EARS2: variants seen among roughly 807,000 people sequenced by gnomAD.
EARS2 encodes the protein nondiscriminating glutamyl-tRNA synthetase EARS2, mitochondrial.
In EARS2, 50 loss-of-function variants were observed where a neutral mutation model predicts 54.1. The ratio of observed to expected loss-of-function variants is 0.92; its 90% CI spans 0.74 to 1.17. The LOEUF (loss-of-function observed/expected upper bound fraction) is 1.17. Ranked by LOEUF, EARS2 falls within the 50% of genes most tolerant of loss-of-function variation. The pLI, the probability that EARS2 is intolerant of heterozygous loss-of-function variation, is 0.00. For synonymous variants in EARS2, 298 were observed against 281.0 expected (o/e 1.06, Z -0.61); for missense variants, 673 against 675.0 (o/e 1.00, Z 0.03).
intron 5 of EARS2, 92 bp downstream of exon 5, chr16:23,532,565 A>T: frequency 1.2e-6 from 1 of 804,522 alleles, no homozygotes; most frequent in Non-Finnish European, 2.0e-6. Flanking sequence ...ACACAGAATT[A>T]GGTACCAGAG....
chr16:23,537,872 GC>G (rs929144025), intron 3 of EARS2, among the ~76,000 whole-genome samples: 7 of 149,492 alleles, frequency 4.7e-5, no homozygotes, highest in African/African-American at 1.7e-4. Flanking sequence ...GCTCACTGCA[GC>G]CTAGACATTC....
chr16:23,555,878 C>T (rs1965770240), intron 1 of EARS2, among the ~76,000 whole-genome samples: 1 of 152,152 alleles, frequency 6.6e-6, no homozygotes, highest in Non-Finnish European at 1.5e-5. Flanking sequence ...CAAGGTTTTG[C>T]CATATTGGCC....
At chr16:23,552,543 T>C (rs1240414165) in intron 1 of EARS2, among the ~76,000 whole-genome samples, 2 of 150,968 alleles carry the variant, frequency 1.3e-5, no homozygotes, top group Non-Finnish European at 2.9e-5. Flanking sequence ...CAAGCTGGAG[T>C]GCAGTGGCAC....
intron 8 of EARS2, 134 bp from the exon 9 acceptor site, chr16:23,524,588 T>C (rs1469915004): frequency 1.3e-6 from 1 of 744,100 alleles, no homozygotes. Flanking sequence ...TCAGTGCTTG[T>C]GTTATTTCCC....
At chr16:23,548,883 T>C (rs2369008) in intron 2 of EARS2, among the ~76,000 whole-genome samples, 130,181 of 151,534 alleles carry the variant, frequency 0.86, 56,128 homozygotes, top group African/African-American at 0.91. Flanking sequence ...TCGGCAGGCA[T>C]GCCCCCATTC....
chr16:23,523,993 GTTT>G lies in EARS2; in HGVS notation c.*375_*377del. 1 of 177,274 alleles carries G rather than the reference GTTT, an allele frequency of 5.6e-6. No homozygotes were observed. Among genetic ancestry groups the G allele is most frequent in the Non-Finnish European group, 1.2e-5 (1 of 85,994 alleles). The allele number at this position is 177,274 out of a possible 1,614,324, so 11.0% of individuals were successfully genotyped here. ...AAATGTGAGAAAATAAATCTCTGTT[GTTT>G]AAACCACCTGGTTCTGTGGCATTTT... is the stretch of plus-strand genomic sequence containing the variant. On this transcript the variant is annotated 3_prime_UTR_variant, in exon 9 of 9. Coordinates refer to ENST00000449606, the MANE Select transcript of EARS2 (RefSeq NM_001083614.2).
chr16:23,545,774 C>T (rs1314102929), intron 2 of EARS2, among the ~76,000 whole-genome samples: 1 of 152,194 alleles, frequency 6.6e-6, no homozygotes, highest in East Asian at 1.9e-4. Flanking sequence ...AGCCACCCTC[C>T]TGCCTCAACC....
intron 2 of EARS2, chr16:23,545,177 G>C (rs1252724092): frequency 6.5e-6 from 1 of 154,976 alleles, no homozygotes; most frequent in Non-Finnish European, 1.4e-5. Context: ...TTAAAACACA[G>C]AGAGGTGAAG....
intron 5 of EARS2, among the ~76,000 whole-genome samples, chr16:23,532,383 G>A (rs1597011383): frequency 1.3e-5 from 2 of 152,026 alleles, no homozygotes; most frequent in South Asian, 4.1e-4. Context: ...AAAAATATAC[G>A]TACCATTTAC....
intron 1 of EARS2, 21 bp from the exon 2 acceptor site, chr16:23,552,325 G>A (rs1358808860): frequency 1.9e-6 from 3 of 1,612,252 alleles, no homozygotes; most frequent in Non-Finnish European, 2.5e-6. Context: ...GAACAGCTCA[G>A]ATAAGACAGG....
At chr16:23,556,230 C>T (rs1965780249) in intron 1 of EARS2, among the ~76,000 whole-genome samples, 2 of 152,064 alleles carry the variant, frequency 1.3e-5, no homozygotes, top group Admixed American at 6.6e-5. Flanking sequence ...TGGTGGGAAC[C>T]AAAAGGCCCT....
rs1024552475 is a variant in EARS2, at chr16:23,523,750, G to T, written c.*621C>A. 1 of 152,296 alleles carries T rather than the reference G, an allele frequency of 6.6e-6. No homozygotes were observed. Among genetic ancestry groups the T allele is most frequent in the African/African-American group, 2.4e-5 (1 of 41,444 alleles). 9.4% of individuals were successfully genotyped at this position (152,296 alleles called of 1,614,324 possible). A position where few individuals can be genotyped will look rare whatever the true frequency, so the allele number is the denominator to read the frequency against. ...ACTTGGAGATTGAGCATTTAAAGAG[G>T]TGATTAACTTAAATGAGGCTGGTTA... On this transcript the variant is annotated 3_prime_UTR_variant, in exon 9 of 9. Coordinates refer to ENST00000449606, the MANE Select transcript of EARS2 (RefSeq NM_001083614.2).
At chr16:23,525,721 C>A (rs1026180301) in intron 7 of EARS2, among the ~76,000 whole-genome samples, 1 of 152,082 alleles carries the variant, frequency 6.6e-6, no homozygotes, top group Non-Finnish European at 1.5e-5. Flanking sequence ...CTGAGGCTGG[C>A]GCAGTGGCTC....
Position 23,532,698 on chromosome 16 carries a change from G to A in EARS2, c.1026C>T (p.His342=). The A allele has an allele frequency of 6.2e-7, 1 of 1,614,156 alleles. No homozygotes were observed. Among genetic ancestry groups the A allele is most frequent in the African/African-American group, 1.3e-5 (1 of 75,058 alleles). Reference sequence around the variant, plus strand: ...GCTTCTCCAGGTCCAGCAGGGCTGAGTGACAGGTGACCTGTGTCAGGTTGA... The same window carrying A: ...GCTTCTCCAGGTCCAGCAGGGCTGAATGACAGGTGACCTGTGTCAGGTTGA... ...TQFNLTQVTC[H]SALLDLEKLP... The change falls in exon 5 of 9, where the codon CAC becomes CAT. Residue 342 remains histidine (H), a synonymous_variant. Coordinates refer to ENST00000449606, the MANE Select transcript of EARS2 (RefSeq NM_001083614.2).
chr16:23,547,494 T>G lies in EARS2; in HGVS notation c.296-2791A>C, dbSNP rs538873742. On this transcript the variant is annotated intron_variant, in intron 2 of 8. Transcript: ENST00000449606. ...CTTTGATATGGTAAATTTCATATCA[T>G]GTGAATTATATGTCATTTTTTTTTC... 3.9e-5 allele frequency among the ~76,000 whole-genome samples: 6 copies of G among 152,184 alleles called. No homozygotes were observed. The South Asian group carries it at 1.2e-3, about 31-fold the overall frequency.
intron 7 of EARS2, among the ~76,000 whole-genome samples, 172 bp downstream of exon 7, chr16:23,529,330 G>A (rs932761147): frequency 3.9e-5 from 6 of 152,202 alleles, no homozygotes; most frequent in East Asian, 1.9e-4. Flanking sequence ...GAGAAAGCCC[G>A]GGTTCTCCGG....
At chr16:23,530,041 A>G in intron 5 of EARS2, 144 bp from the exon 6 acceptor site, 1 of 1,009,042 alleles carries the variant, frequency 9.9e-7, no homozygotes, top group Non-Finnish European at 1.4e-6. Flanking sequence ...GAATCTCTTC[A>G]CGTTTATAAA....
rs755826290 is a variant in EARS2 at position 23,532,770 on chromosome 16, A to C, written c.959-5T>G. On this transcript the variant is annotated splice_region_variant and splice_polypyrimidine_tract_variant and intron_variant, in intron 4 of 8. Coordinates refer to ENST00000449606, the MANE Select transcript of EARS2 (RefSeq NM_001083614.2). Reference sequence around the variant, plus strand: ...GGGTCCTGCCCATTTGGTTCTCTGCAAAGAAGAGAGGCCCAGCCACTCAGC... The same window carrying C: ...GGGTCCTGCCCATTTGGTTCTCTGCCAAGAAGAGAGGCCCAGCCACTCAGC... 6.2e-7 allele frequency: 1 copy of C among 1,608,600 alleles called. No individual in the cohort carries two copies. Among genetic ancestry groups the C allele is most frequent in the Non-Finnish European group, 8.5e-7 (1 of 1,175,806 alleles).
chr16:23,538,033 T>G (rs1965452137), intron 3 of EARS2, among the ~76,000 whole-genome samples: 1 of 152,018 alleles, frequency 6.6e-6, no homozygotes, highest in Admixed American at 6.6e-5. Flanking sequence ...TCTGCCCACC[T>G]TGGCCTCCCA....
Sources: gnomAD v4.1 joint callset for allele counts (sites outside exome capture counted in the v4.1 genomes callset) on GRCh38, gnomAD v4.1.1 for gene constraint, MANE v1.5 for transcripts, NCBI Gene and HGNC (gene_info 2026-07-23, HGNC 2026-07-21) for gene names.